Variants in FOCAD observed in about 807,000 individuals in gnomAD.
FOCAD encodes the protein focadhesin, also known as KIAA1797.
FOCAD carries 198 observed loss-of-function variants against 225.6 expected under a neutral mutation model. The ratio of observed to expected loss-of-function variants is 0.88; its 90% CI spans 0.78 to 0.99. The LOEUF is 0.99. Ranked by LOEUF, FOCAD falls within the 50% of genes least tolerant of loss-of-function variation. The pLI is 0.00. For missense variants in FOCAD, 2,713 were observed against 2,123.6 expected (o/e 1.28, Z -5.46); for synonymous variants, 897 against 755.0 (o/e 1.19, Z -3.08).
At chr9:20,663,204 T>C (rs559253309) in intron 2 of FOCAD, among the ~76,000 whole-genome samples, 2 of 151,968 alleles carry the variant, frequency 1.3e-5, no homozygotes, top group South Asian at 2.1e-4. Flanking sequence ...CTGGGCAACA[T>C]AGTGAGACTG....
intron 19 of FOCAD, among the ~76,000 whole-genome samples, chr9:20,878,815 G>A (rs1220461211): frequency 6.6e-6 from 1 of 152,132 alleles, no homozygotes; most frequent in Non-Finnish European, 1.5e-5. Context: ...CCTGGGAAGT[G>A]GGTGGTGTAA....
chr9:20,706,795 C>T (rs1261129271), intron 1 of FOCAD, among the ~76,000 whole-genome samples: 7 of 152,070 alleles, frequency 4.6e-5, no homozygotes, highest in Non-Finnish European at 1.0e-4. Flanking sequence ...GAAGTTTTTC[C>T]TGTAATAGTT....
intron 11 of FOCAD, among the ~76,000 whole-genome samples, chr9:20,790,924 T>C (rs760163078): frequency 1.3e-5 from 2 of 152,222 alleles, no homozygotes; most frequent in Non-Finnish European, 2.9e-5. Flanking sequence ...GTTCTGATTC[T>C]GCAAGTGGAT....
At chr9:20,789,916 G>C (rs1445797348) in intron 11 of FOCAD, among the ~76,000 whole-genome samples, 1 of 151,950 alleles carries the variant, frequency 6.6e-6, no homozygotes, top group Non-Finnish European at 1.5e-5. Context: ...GCTAACTCTT[G>C]GAACCTATTC....
intron 11 of FOCAD, among the ~76,000 whole-genome samples, chr9:20,807,545 A>C (rs979622930): frequency 1.4e-4 from 21 of 152,226 alleles, no homozygotes; most frequent in African/African-American, 4.6e-4. Context: ...ATTAGCATAA[A>C]AATTATTACT....
intron 15 of FOCAD, among the ~76,000 whole-genome samples, chr9:20,827,728 G>T (rs1403617268): frequency 6.6e-6 from 1 of 151,972 alleles, no homozygotes; most frequent in Non-Finnish European, 1.5e-5. Flanking sequence ...ATAAAACAGT[G>T]TTTACCACAG....
chr9:20,693,359 TA>T (rs1437646106), intron 1 of FOCAD, among the ~76,000 whole-genome samples: 1 of 152,192 alleles, frequency 6.6e-6, no homozygotes, highest in African/African-American at 2.4e-5. Context: ...ACCATCCTTT[TA>T]AAAATAGAAA....
intron 15 of FOCAD, among the ~76,000 whole-genome samples, chr9:20,834,500 G>A (rs986070442): frequency 2.2e-4 from 33 of 152,176 alleles, no homozygotes; most frequent in African/African-American, 7.0e-4. Context: ...TCTGGTCAAT[G>A]GGTAAACAAA....
intron 1 of FOCAD, among the ~76,000 whole-genome samples, chr9:20,709,044 G>A (rs1383698006): frequency 6.6e-6 from 1 of 152,074 alleles, no homozygotes; most frequent in East Asian, 1.9e-4. Flanking sequence ...ATACATAGTT[G>A]TACAATATCC....
At chr9:20,851,097 G>T (rs1194606940) in intron 15 of FOCAD, among the ~76,000 whole-genome samples, 4 of 151,334 alleles carry the variant, frequency 2.6e-5, no homozygotes, top group Non-Finnish European at 5.9e-5. Flanking sequence ...TGGTTTAAGT[G>T]TCAGGGTTTG....
At chr9:20,719,973 T>A (rs1825650342) in intron 3 of FOCAD, among the ~76,000 whole-genome samples, 1 of 152,090 alleles carries the variant, frequency 6.6e-6, no homozygotes, top group South Asian at 2.1e-4. Context: ...TGAAAATAAC[T>A]GTTATTGTCA....
At chr9:20,656,578 T>A (rs1821482582), upstream of FOCAD, among the ~76,000 whole-genome samples, 1 of 151,940 alleles carries the variant, frequency 6.6e-6, no homozygotes, top group Non-Finnish European at 1.5e-5. Flanking sequence ...AAGTCTGTTT[T>A]ATCAGAGACT....
chr9:20,662,959 T>C (rs1030139599), intron 2 of FOCAD, among the ~76,000 whole-genome samples: 1 of 152,270 alleles, frequency 6.6e-6, no homozygotes, highest in African/African-American at 2.4e-5. Context: ...TTGAGTCTAA[T>C]GTATTTCAAT....
chr9:20,948,301 A>T lies in FOCAD; in HGVS notation c.3706A>T (p.Ile1236Leu). The change falls in exon 31 of 44, where the codon ATA becomes TTA. Residue 1236 changes from isoleucine (I) to leucine (L), a missense_variant. Transcript: ENST00000338382. The part of the protein sequence containing the change: ...TSGFALALGN[I>L]VHGLSVCGHG... ...AGGTTTTGCCCTGGCTTTAGGAAACATAGTTCATGGATTGTCTGTGTGTGG... is the reference window on the plus strand; with the variant it reads ...AGGTTTTGCCCTGGCTTTAGGAAACTTAGTTCATGGATTGTCTGTGTGTGG... The T allele has an allele frequency of 1.2e-6, 2 of 1,611,380 alleles. No homozygotes were observed. The highest frequency in any genetic ancestry group is 2.2e-5 in the South Asian group (2 of 90,850).
At chr9:20,890,277 G>A (rs982442095) in intron 21 of FOCAD, among the ~76,000 whole-genome samples, 2 of 148,272 alleles carry the variant, frequency 1.3e-5, no homozygotes, top group African/African-American at 2.5e-5. Flanking sequence ...AATATTCAGT[G>A]TTTCCCTGTT....
chr9:20,817,492 C>G lies in FOCAD; in HGVS notation c.1456-2304C>G, dbSNP rs1303927875. Among the ~76,000 whole-genome samples the G allele has an allele frequency of 3.9e-5, 6 of 152,138 alleles. 1 individual carries two copies. In the East Asian group the frequency reaches 5.8e-4, roughly 15 times the overall value. On this transcript the variant is annotated intron_variant, in intron 11 of 43. Transcript: ENST00000338382. ...TTACCATAATGTTTTCAAGGTTCATCCATGTTGTAGCATGTATCAGTACTT... is the reference window on the plus strand; with the variant it reads ...TTACCATAATGTTTTCAAGGTTCATGCATGTTGTAGCATGTATCAGTACTT...
chr9:20,811,427 C>T (rs1823064479), intron 11 of FOCAD, among the ~76,000 whole-genome samples: 1 of 152,018 alleles, frequency 6.6e-6, no homozygotes, highest in Non-Finnish European at 1.5e-5. Context: ...AGATCAGATG[C>T]TCAAGCTGGA....
intron 35 of FOCAD, among the ~76,000 whole-genome samples, chr9:20,962,417 C>CACACAT (rs142051827): frequency 0.011 from 1,607 of 149,178 alleles, 37 homozygotes; most frequent in African/African-American, 0.038. Context: ...TATACACACA[C>CACACAT]ACATACATAC....
At chr9:20,745,449 T>C (rs1039151223) in intron 5 of FOCAD, among the ~76,000 whole-genome samples, 1 of 152,206 alleles carries the variant, frequency 6.6e-6, no homozygotes, top group African/African-American at 2.4e-5. Context: ...AATATTTCGC[T>C]AGTGTTTTGG....
Sources: allele counts gnomAD v4.1 joint callset (sites outside exome capture counted in the v4.1 genomes callset), GRCh38; gene constraint gnomAD v4.1.1; transcripts MANE v1.5; gene names NCBI Gene and HGNC (gene_info 2026-07-23, HGNC 2026-07-21).